The following PKD1L3 variants were observed in gnomAD, a reference collection of about 807,000 sequenced individuals.
PKD1L3 encodes polycystin-1-like protein 3.
Under a neutral mutation model 184.1 loss-of-function variants are expected in PKD1L3, and 239 were observed. The ratio of observed to expected loss-of-function variants is 1.30; its 90% CI spans 1.17 to 1.45. The LOEUF (loss-of-function observed/expected upper bound fraction) is 1.45, where lower values mean the gene tolerates loss of function less well. Ranked by LOEUF, PKD1L3 falls within the 40% of genes most tolerant of loss-of-function variation. PKD1L3 has a pLI of 0.00. For missense variants in PKD1L3, 2,660 were observed against 2,067.2 expected, an observed-to-expected ratio of 1.29 and a Z score of -5.56; for synonymous variants, 996 against 778.8, an observed-to-expected ratio of 1.28 and a Z score of -4.64.
Position 71,973,430 on chromosome 16 carries a change from T to C in PKD1L3, c.1847A>G (p.Gln616Arg), listed in dbSNP as rs554192517. Residue 616 changes from glutamine (Q) to arginine (R), a missense_variant, in exon 12 of 30, where the codon CAG becomes CGG. By Grantham distance (43) the Gln-to-Arg change is conservative. Transcript: ENST00000620267. ...GCTGGGTGTCTGCTGAGCACCCTCCTGCCTCTCACTCAGCACAGCTGTTAT... is the reference window on the plus strand; with the variant it reads ...GCTGGGTGTCTGCTGAGCACCCTCCCGCCTCTCACTCAGCACAGCTGTTAT... The part of the protein sequence containing the change: ...YYITAVLSER[Q>R]EGAQQTPSLV... 138 of 1,551,784 alleles carry C rather than the reference T, an allele frequency of 8.9e-5. No homozygotes were observed. The East Asian group carries it at 3.3e-3, about 37-fold the overall frequency.
chr16:71,953,823 C>A (rs138906675), intron 17 of PKD1L3, among the ~76,000 whole-genome samples: 1 of 152,196 alleles, frequency 6.6e-6, no homozygotes, highest in African/African-American at 2.4e-5. Flanking sequence ...TACAGTTGGA[C>A]GTGAGATTTG....
chr16:71,970,050 A>C lies in PKD1L3; in HGVS notation c.2009T>G (p.Phe670Cys), dbSNP rs1437753803. ...CACGACAAAGAAGTCGCTGGCAAAGAAGGTCAGGTGGTTACAGAGACACTG... is the reference window on the plus strand; with the variant it reads ...CACGACAAAGAAGTCGCTGGCAAAGCAGGTCAGGTGGTTACAGAGACACTG... ...RTQCLCNHLT[F>C]FASDFFVVPR... Residue 670 changes from phenylalanine (F) to cysteine (C), a missense_variant, in exon 13 of 30, where the codon TTC (phenylalanine) becomes TGC (cysteine). By Grantham distance (205) the Phe-to-Cys change is radical. Coordinates refer to ENST00000620267, the MANE Select transcript of PKD1L3 (RefSeq NM_181536.2). 10 of 1,551,534 alleles carry C rather than the reference A, an allele frequency of 6.4e-6. 1 individual carries two copies. The highest frequency in any genetic ancestry group is 8.7e-7 in the Non-Finnish European group (1 of 1,146,988).
chr16:72,000,081 G>T lies in PKD1L3; in HGVS notation c.-103C>A. On this transcript the variant is annotated 5_prime_UTR_variant, in exon 1 of 30. Transcript: ENST00000620267. ...TGTCTTATTAGTATTATTCTTTTAT[G>T]AATTGGGAACAATTTACCAAGGATA... 1.0e-6 allele frequency: 1 copy of T among 995,560 alleles called. No homozygotes were observed. The highest frequency in any genetic ancestry group is 1.4e-6 in the Non-Finnish European group (1 of 723,546). The allele number at this position is 995,560 out of a possible 1,614,324, so 61.7% of individuals were successfully genotyped here.
intron 4 of PKD1L3, 82 bp downstream of exon 4, chr16:71,990,198 A>C (rs1014942510): frequency 2.4e-6 from 3 of 1,245,536 alleles, no homozygotes; most frequent in Non-Finnish European, 3.4e-6. Flanking sequence ...AACACTCTAC[A>C]AGATAGAGCT....
chr16:71,931,653 G>A (rs542259579), intron 28 of PKD1L3, among the ~76,000 whole-genome samples: 3 of 151,494 alleles, frequency 2.0e-5, no homozygotes, highest in Non-Finnish European at 4.4e-5. Context: ...TAGTAGAGAC[G>A]GGATTTTACC....
At position 71,955,363 on chromosome 16, in the gene PKD1L3, G is replaced by T. The variant is rs150822041; in HGVS notation, c.2613-1062C>A. Among the ~76,000 whole-genome samples, 996 of 152,120 alleles carry T rather than the reference G, an allele frequency of 6.5e-3. 4 individuals are homozygous for T. Among genetic ancestry groups the T allele is most frequent in the Admixed American group, 0.011 (161 of 15,282 alleles). ...AAAGAAATTAATTTAATGGGACCCAGGAGGCAGAGGTTGCAGTGAGCTGAG... is the reference window on the plus strand; with the variant it reads ...AAAGAAATTAATTTAATGGGACCCATGAGGCAGAGGTTGCAGTGAGCTGAG... On this transcript the variant is annotated intron_variant, in intron 16 of 29. Coordinates refer to ENST00000620267, the MANE Select transcript of PKD1L3 (RefSeq NM_181536.2).
rs977456585 is a variant in PKD1L3 at position 71,955,772 on chromosome 16, G to A, written c.2613-1471C>T. On this transcript the variant is annotated intron_variant, in intron 16 of 29. Transcript: ENST00000620267. ...TCAGTTTCCCCCATCCTGTTCTTGT[G>A]ATCGTGAGCGAGTTCTCACAAGACC... 5.3e-5 allele frequency among the ~76,000 whole-genome samples: 8 copies of A among 152,250 alleles called. No homozygotes were observed. The Middle Eastern group carries it at 0.01, about 194-fold the overall frequency.
In PKD1L3 at chr16:71,986,373, G is replaced by A. The variant is rs1306501532; in HGVS notation, c.682C>T (p.Pro228Ser). ...TSAASEPSSQ[P>S]LPVITQLTMP... ...GTGAGCTGTGTTATCACAGGGAGAG[G>A]CTGGCTGCTGGGTTCAGATGCGGCT... The change falls in exon 5 of 30, where the codon CCT becomes TCT. Residue 228 changes from proline to serine, a missense_variant. By Grantham distance (74) the Pro-to-Ser change is moderately conservative. Transcript: ENST00000620267. 6.4e-7 allele frequency: 1 copy of A among 1,551,178 alleles called. No homozygotes were observed. The highest frequency in any genetic ancestry group is 8.7e-7 in the Non-Finnish European group (1 of 1,146,504).
At chr16:71,943,249 G>A (rs1247674590) in intron 23 of PKD1L3, among the ~76,000 whole-genome samples, 2 of 151,938 alleles carry the variant, frequency 1.3e-5, no homozygotes, top group Non-Finnish European at 1.5e-5. Context: ...AAGATACAAT[G>A]GCTGTGGCTG....
chr16:71,942,409 A>C (rs1486363084), intron 24 of PKD1L3, 151 bp downstream of exon 24: 1 of 640,000 alleles, frequency 1.6e-6, no homozygotes, highest in Non-Finnish European at 2.7e-6. Flanking sequence ...GGAGAATAAA[A>C]ACACTTTTGG....
chr16:71,947,603 A>C lies in PKD1L3; in HGVS notation c.3619-12T>G. ...GTGAAGAAGACCACCTGGGCAGGAGAATCACAGAACATCGTGAGCAGACAT... is the reference window on the plus strand; with the variant it reads ...GTGAAGAAGACCACCTGGGCAGGAGCATCACAGAACATCGTGAGCAGACAT... On this transcript the variant is annotated splice_polypyrimidine_tract_variant and intron_variant, in intron 21 of 29. Coordinates refer to ENST00000620267, the MANE Select transcript of PKD1L3 (RefSeq NM_181536.2). The C allele has an allele frequency of 6.7e-7, 1 of 1,492,404 alleles. No homozygotes were observed. Among genetic ancestry groups the C allele is most frequent in the Non-Finnish European group, 9.1e-7 (1 of 1,094,704 alleles). 92.4% of individuals were successfully genotyped at this position (1,492,404 alleles called of 1,614,324 possible).
intron 2 of PKD1L3, among the ~76,000 whole-genome samples, chr16:71,995,832 T>G (rs2040764379): frequency 6.6e-6 from 1 of 152,248 alleles, no homozygotes; most frequent in African/African-American, 2.4e-5. Flanking sequence ...TATAAATATA[T>G]ACAGATTATA....
At chr16:71,996,543 A>G (rs890144926) in intron 2 of PKD1L3, among the ~76,000 whole-genome samples, 72 of 152,256 alleles carry the variant, frequency 4.7e-4, no homozygotes, top group African/African-American at 1.7e-3. Context: ...TACAGGCATG[A>G]GCCACTGTGC....
intron 13 of PKD1L3, among the ~76,000 whole-genome samples, chr16:71,968,366 TACAC>T (rs1029847247): frequency 7.2e-5 from 11 of 152,322 alleles, no homozygotes; most frequent in African/African-American, 1.2e-4. Context: ...GGGGCACACT[TACAC>T]TAACGATGCA....
chr16:71,965,252 T>C (rs1030054142), intron 15 of PKD1L3, among the ~76,000 whole-genome samples: 2 of 152,266 alleles, frequency 1.3e-5, no homozygotes, highest in African/African-American at 2.4e-5. Flanking sequence ...TAGTATTACA[T>C]TGAATCAATA....
In PKD1L3 at chr16:71,986,430, C is replaced by G; in HGVS notation, c.625G>C (p.Val209Leu). The change falls in exon 5 of 30, where the codon GTA (valine) becomes CTA (leucine). Residue 209 changes from valine (V) to leucine (L), a missense_variant. Transcript: ENST00000620267. ...ACCTGTGATGTGATACTTGATAGTA[C>G]TGAAGGAAACTGGCTGATGGGATGA... The part of the protein sequence containing the change: ...LCHPISQFPS[V>L]LSSITSQVTS... 1 of 1,551,836 alleles carries G rather than the reference C, an allele frequency of 6.4e-7. No homozygotes were observed.
chr16:71,986,488 TAAAGGA>T lies in PKD1L3; in HGVS notation c.586-25_586-20del. On this transcript the variant is annotated intron_variant, in intron 4 of 29. Coordinates refer to ENST00000620267, the MANE Select transcript of PKD1L3 (RefSeq NM_181536.2). ...TCTTGGACTAAAAGATAAAAATATG[TAAAGGA>T]AAAGACTGAATCTGATTTTACCATT... 1 of 1,542,202 alleles carries T rather than the reference TAAAGGA, an allele frequency of 6.5e-7. No homozygotes were observed. The highest frequency in any genetic ancestry group is 8.8e-7 in the Non-Finnish European group (1 of 1,141,552).
chr16:71,973,630 TAG>T (rs2039806190), intron 11 of PKD1L3, 113 bp from the exon 12 acceptor site: 1 of 970,362 alleles, frequency 1.0e-6, no homozygotes, highest in African/African-American at 1.7e-5. Flanking sequence ...ATGATGAAAC[TAG>T]AGTCACAAAT....
At chr16:71,953,770 T>C (rs1683938394) in intron 17 of PKD1L3, among the ~76,000 whole-genome samples, 1 of 152,092 alleles carries the variant, frequency 6.6e-6, no homozygotes. Flanking sequence ...CATGATCCAG[T>C]CACCTCCCAG....
Sources: gnomAD v4.1 joint callset for allele counts (sites outside exome capture counted in the v4.1 genomes callset) on GRCh38, gnomAD v4.1.1 for gene constraint, MANE v1.5 for transcripts, NCBI Gene and HGNC (gene_info 2026-07-23, HGNC 2026-07-21) for gene names.